Variants in PIP5K1C observed in about 807,000 individuals in gnomAD.
PIP5K1C encodes the protein phosphatidylinositol-4-phosphate 5-kinase type 1 gamma.
Under a neutral mutation model 80.1 loss-of-function variants are expected in PIP5K1C, and 45 were observed. The ratio of observed to expected loss-of-function variants is 0.56; its 90% confidence interval spans 0.44 to 0.72. The LOEUF (loss-of-function observed/expected upper bound fraction) is 0.72, where lower values mean the gene tolerates loss of function less well. PIP5K1C is among the 30% of genes least tolerant of loss of function. The pLI is 0.00. For missense variants in PIP5K1C, 753 were observed against 954.6 expected, an observed-to-expected ratio of 0.79 and a Z score of 2.78; for synonymous variants, 498 against 420.1, an observed-to-expected ratio of 1.19 and a Z score of -2.27.
intron 1 of PIP5K1C, among the ~76,000 whole-genome samples, chr19:3,685,512 C>T (rs959437295): frequency 2.6e-5 from 4 of 152,034 alleles, no homozygotes; most frequent in Admixed American, 6.6e-5. Context: ...GGGCGGATCA[C>T]GAGGTCAGGA....
At chr19:3,662,693 G>A (rs559651086) in intron 3 of PIP5K1C, among the ~76,000 whole-genome samples, 54 of 152,216 alleles carry the variant, frequency 3.5e-4, no homozygotes, top group African/African-American at 1.3e-3. Flanking sequence ...AGCTTCCTGA[G>A]TAGCTGGGAT....
At position 3,633,033 on chromosome 19, in the gene PIP5K1C, G is replaced by A. The variant is rs970951048; in HGVS notation, c.*134C>T. 2.9e-5 allele frequency: 19 copies of A among 644,706 alleles called. No homozygotes were observed. The highest frequency in any genetic ancestry group is 3.7e-5 in the Non-Finnish European group (13 of 349,678). The allele number at this position is 644,706 out of a possible 1,614,324, so 39.9% of individuals were successfully genotyped here. ...GGGCCCGGCCGTCGGCATCCGTGCA[G>A]GGGGAGGACGAGGTCCGGTGGGGCG... On this transcript the variant is annotated 3_prime_UTR_variant, in exon 18 of 18. Transcript: ENST00000335312.
Position 3,645,886 on chromosome 19 carries a change from C to A in PIP5K1C, c.1345+88G>T, listed in dbSNP as rs536916482. 9.9e-6 allele frequency: 10 copies of A among 1,010,274 alleles called. No individual in the cohort carries two copies. In the Admixed American group the frequency reaches 1.7e-4, roughly 17 times the overall value. 62.6% of individuals were successfully genotyped at this position (1,010,274 alleles called of 1,614,324 possible). A position where few individuals can be genotyped will look rare whatever the true frequency, so the allele number is the denominator to read the frequency against. ...AGTTTACTGCCCTGCCCAGGGGGCT[C>A]TCGGCCTCCCGCAGAGTCCCTCCTG... On this transcript the variant is annotated intron_variant, in intron 11 of 17. Transcript: ENST00000335312.
intron 1 of PIP5K1C, among the ~76,000 whole-genome samples, 189 bp from the exon 2 acceptor site, chr19:3,667,542 C>T (rs1182339965): frequency 6.6e-6 from 1 of 152,184 alleles, no homozygotes; most frequent in Admixed American, 6.5e-5. Context: ...AGGGTGGGGG[C>T]CACTGGGGCC....
chr19:3,667,548 G>A (rs2035054649), intron 1 of PIP5K1C, among the ~76,000 whole-genome samples, 195 bp from the exon 2 acceptor site: 1 of 152,224 alleles, frequency 6.6e-6, no homozygotes, highest in South Asian at 2.1e-4. Context: ...GGGGCCACTG[G>A]GGCCTGCCAT....
chr19:3,699,803 G>A (rs899750327), intron 1 of PIP5K1C, among the ~76,000 whole-genome samples: 2 of 152,198 alleles, frequency 1.3e-5, no homozygotes. Flanking sequence ...TGCACAGCCG[G>A]GGCGGTGGAG....
At chr19:3,662,120 A>G in intron 3 of PIP5K1C, 119 bp from the exon 4 acceptor site, 1 of 1,276,628 alleles carries the variant, frequency 7.8e-7, no homozygotes, top group Non-Finnish European at 1.1e-6. Flanking sequence ...GCACCTGCCA[A>G]CCCCCTCCTG....
intron 1 of PIP5K1C, among the ~76,000 whole-genome samples, chr19:3,687,005 C>A (rs1343706815): frequency 2.6e-5 from 4 of 152,078 alleles, no homozygotes; most frequent in African/African-American, 9.7e-5. Flanking sequence ...GCAGCCTGGC[C>A]AACATGGTAA....
intron 1 of PIP5K1C, among the ~76,000 whole-genome samples, chr19:3,690,325 T>C (rs1483006894): frequency 1.3e-5 from 2 of 151,894 alleles, no homozygotes; most frequent in South Asian, 2.1e-4. Flanking sequence ...GGGAAGACCC[T>C]GTCTCCATAA....
chr19:3,699,996 C>G (rs923425067), intron 1 of PIP5K1C, among the ~76,000 whole-genome samples: 3 of 152,232 alleles, frequency 2.0e-5, no homozygotes, highest in Non-Finnish European at 4.4e-5. Context: ...GCAGCCGCCA[C>G]TCACACGACG....
At chr19:3,659,039 T>C (rs767950088) in intron 5 of PIP5K1C, among the ~76,000 whole-genome samples, 1 of 152,178 alleles carries the variant, frequency 6.6e-6, no homozygotes, top group Admixed American at 6.5e-5. Context: ...TTCTCCTTCC[T>C]GGCTGTCCTG....
At position 3,648,961 on chromosome 19, in the gene PIP5K1C, C is replaced by T. The variant is rs374893452; in HGVS notation, c.1128-253G>A. Among the ~76,000 whole-genome samples the T allele has an allele frequency of 5.9e-5, 9 of 152,290 alleles. No homozygotes were observed. The highest frequency in any genetic ancestry group is 1.7e-4 in the African/African-American group (7 of 41,552). Reference sequence around the variant, plus strand: ...CCTGGGCACATACCCCCTACACACACGTGTGCCTGGACACACACATGCACA... The same window carrying T: ...CCTGGGCACATACCCCCTACACACATGTGTGCCTGGACACACACATGCACA... On this transcript the variant is annotated intron_variant, in intron 8 of 17. Coordinates refer to ENST00000335312, the MANE Select transcript of PIP5K1C (RefSeq NM_012398.3). The surrounding 1 kb of genome is among the most constrained non-coding windows in gnomAD (Gnocchi z 4.3).
intron 14 of PIP5K1C, 102 bp from the exon 15 acceptor site, chr19:3,641,911 T>A: frequency 1.1e-6 from 1 of 904,792 alleles, no homozygotes. Context: ...AGAGGGGAGT[T>A]GGGAGCCTCC....
At chr19:3,651,279 C>G (rs2034439048) in intron 8 of PIP5K1C, among the ~76,000 whole-genome samples, 1 of 152,162 alleles carries the variant, frequency 6.6e-6, no homozygotes, top group Non-Finnish European at 1.5e-5. Context: ...TGGTACTGAA[C>G]TCCGGGGCTG....
At chr19:3,658,832 C>T (rs911908737) in intron 5 of PIP5K1C, among the ~76,000 whole-genome samples, 4 of 152,224 alleles carry the variant, frequency 2.6e-5, no homozygotes, top group African/African-American at 7.2e-5. Context: ...GGGCTATGGC[C>T]TCCATGGGCC....
chr19:3,690,527 A>C (rs2035916688), intron 1 of PIP5K1C, among the ~76,000 whole-genome samples: 1 of 152,164 alleles, frequency 6.6e-6, no homozygotes, highest in Non-Finnish European at 1.5e-5. Flanking sequence ...AAAGAAGCTA[A>C]GTTATAAAAG....
chr19:3,633,206 C>T (rs368688477), intron 17 of PIP5K1C, 37 bp from the exon 18 acceptor site: 30 of 754,118 alleles, frequency 4.0e-5, no homozygotes, highest in East Asian at 2.0e-4. Flanking sequence ...GTGGGCGGGG[C>T]GAGGGCCCAC....
At chr19:3,656,316 T>C (rs2034630953) in intron 6 of PIP5K1C, 89 bp downstream of exon 6, 1 of 1,487,898 alleles carries the variant, frequency 6.7e-7, no homozygotes, top group Non-Finnish European at 9.3e-7. Context: ...GGATGCCTGC[T>C]TGCCCAAGCC....
intron 6 of PIP5K1C, among the ~76,000 whole-genome samples, chr19:3,655,182 G>A (rs537392332): frequency 6.6e-6 from 1 of 151,066 alleles, no homozygotes; most frequent in South Asian, 2.1e-4. Context: ...ACTCCAGGAG[G>A]CCGAGACAGG....
Sources: allele counts gnomAD v4.1 joint callset (sites outside exome capture counted in the v4.1 genomes callset), GRCh38; gene constraint gnomAD v4.1.1; non-coding constraint Gnocchi (gnomAD v3.1); transcripts MANE v1.5; gene names NCBI Gene and HGNC (gene_info 2026-07-23, HGNC 2026-07-21).